Variants in LY6S observed in about 807,000 individuals in gnomAD.
LY6S encodes lymphocyte antigen 6S.
chr8:143,044,277 C>T, the LY6S span: 1 of 455,374 alleles, frequency 2.2e-6, no homozygotes. Context: ...GCAGAGGTCA[C>T]TGGGGTCCCC....
chr8:143,070,796 A>G, the LY6S span, among the ~76,000 whole-genome samples: 1 of 151,868 alleles, frequency 6.6e-6, no homozygotes, highest in Admixed American at 6.6e-5. Flanking sequence ...CAGTTGCCCT[A>G]TGTTTTTATG....
At chr8:143,053,392 G>A in the LY6S span, 1 of 152,148 alleles carries the variant, frequency 6.6e-6, no homozygotes, top group African/African-American at 2.4e-5. Context: ...TGGTCTGTGT[G>A]CTAGGGAAGC....
the LY6S span, chr8:143,057,186 A>G: frequency 3.0e-6 from 1 of 335,704 alleles, no homozygotes; most frequent in Non-Finnish European, 5.9e-6. Context: ...TTTTTCTGGT[A>G]ATATTCCGGG....
At chr8:143,052,266 G>GCGAGACTC in the LY6S span, among the ~76,000 whole-genome samples, 1 of 152,156 alleles carries the variant, frequency 6.6e-6, no homozygotes, top group African/African-American at 2.4e-5. Context: ...GGGGGACACA[G>GCGAGACTC]CGAGACTCCG....
At chr8:143,051,753 C>A in the LY6S span, among the ~76,000 whole-genome samples, 1 of 151,638 alleles carries the variant, frequency 6.6e-6, no homozygotes, top group Non-Finnish European at 1.5e-5. Flanking sequence ...ACGTGGATCA[C>A]TTGAGGTCAG....
the LY6S span, chr8:143,043,356 G>C: frequency 1.7e-5 from 15 of 857,458 alleles, no homozygotes; most frequent in East Asian, 2.4e-4. Context: ...AGAGCGGGGT[G>C]GGGGATGAGC....
chr8:143,070,465 AT>A, the LY6S span, among the ~76,000 whole-genome samples: 1 of 31,726 alleles, frequency 3.2e-5, no homozygotes. Context: ...TATATATATA[AT>A]ATATATATAA....
the LY6S span, among the ~76,000 whole-genome samples, chr8:143,076,422 A>G: frequency 6.6e-6 from 1 of 152,166 alleles, no homozygotes; most frequent in Non-Finnish European, 1.5e-5. Context: ...CCAGATTAAG[A>G]CAGGGCAAGG....
At chr8:143,041,392 C>A in the LY6S span, among the ~76,000 whole-genome samples, 14 of 152,240 alleles carry the variant, frequency 9.2e-5, no homozygotes, top group Non-Finnish European at 1.8e-4. Context: ...TCTGTTTCAC[C>A]TGGCTCACAG....
At chr8:143,043,454 A>C in the LY6S span, among the ~76,000 whole-genome samples, 1 of 152,138 alleles carries the variant, frequency 6.6e-6, no homozygotes, top group Non-Finnish European at 1.5e-5. Flanking sequence ...CATCAAAGCC[A>C]TCAGGACCAA....
At chr8:143,046,645 G>A in the LY6S span, among the ~76,000 whole-genome samples, 5 of 151,658 alleles carry the variant, frequency 3.3e-5, no homozygotes, top group African/African-American at 7.3e-5. Flanking sequence ...AATCTCACAA[G>A]CTAACTTGCC....
At chr8:143,050,180 T>A in the LY6S span, among the ~76,000 whole-genome samples, 1 of 20,142 alleles carries the variant, frequency 5.0e-5, no homozygotes, top group Non-Finnish European at 1.1e-4. Context: ...ACCTGACTTT[T>A]TTTTTTTTTT....
At chr8:143,056,269 A>AT in the LY6S span, among the ~76,000 whole-genome samples, 1 of 149,940 alleles carries the variant, frequency 6.7e-6, no homozygotes, top group Non-Finnish European at 1.5e-5. Context: ...ATCGGGAAAC[A>AT]TATAGACTTT....
the LY6S span, among the ~76,000 whole-genome samples, chr8:143,043,922 G>A: frequency 0.01 from 1,576 of 152,328 alleles, 20 homozygotes; most frequent in African/African-American, 0.035. Context: ...TGATCCCCCC[G>A]CCTTGGCCTC....
the LY6S span, among the ~76,000 whole-genome samples, chr8:143,055,810 C>T: frequency 6.6e-6 from 1 of 152,198 alleles, no homozygotes; most frequent in East Asian, 1.9e-4. Context: ...TTGCTGCCCA[C>T]TCAGGAATCA....
chr8:143,072,153 A>G, the LY6S span, among the ~76,000 whole-genome samples: 1 of 148,208 alleles, frequency 6.7e-6, no homozygotes, highest in East Asian at 2.1e-4. Flanking sequence ...TTGATTTCTT[A>G]CCAGTGTCTG....
the LY6S span, chr8:143,054,042 A>G: frequency 6.6e-6 from 1 of 152,194 alleles, no homozygotes; most frequent in Non-Finnish European, 1.5e-5. Context: ...CGCGGTGGCT[A>G]ACGCCTGTAA....
At chr8:143,041,486 T>C in the LY6S span, among the ~76,000 whole-genome samples, 2 of 152,216 alleles carry the variant, frequency 1.3e-5, no homozygotes, top group Non-Finnish European at 2.9e-5. Flanking sequence ...AGATTTCATA[T>C]TGTTCAAACA....
chr8:143,061,363 A>T, the LY6S span, among the ~76,000 whole-genome samples: 2 of 152,218 alleles, frequency 1.3e-5, no homozygotes, highest in Non-Finnish European at 2.9e-5. Flanking sequence ...ATTTATAGTG[A>T]TAAAAGGGTC....
Sources: gnomAD v4.1 joint callset for allele counts (sites outside exome capture counted in the v4.1 genomes callset) on GRCh38, gnomAD v4.1.1 for gene constraint, MANE v1.5 for transcripts, NCBI Gene and HGNC (gene_info 2026-07-23, HGNC 2026-07-21) for gene names.